The following KANSL1L variants were observed in gnomAD, a reference collection of about 807,000 sequenced individuals.
KANSL1L encodes the protein KAT8 regulatory NSL complex subunit 1-like protein.
KANSL1L carries 25 observed loss-of-function variants against 108.6 expected under a neutral mutation model. The observed-to-expected ratio is 0.23, with a 90% confidence interval of 0.17 to 0.32. The LOEUF (loss-of-function observed/expected upper bound fraction) is 0.32, where lower values mean the gene tolerates loss of function less well. KANSL1L is among the 10% of genes least tolerant of loss of function. The probability of loss-of-function intolerance (pLI) is 1.00; values close to 1 mark genes in which losing one functional copy is unlikely to be tolerated. For missense variants in KANSL1L, 1,137 were observed against 1,125.7 expected, an observed-to-expected ratio of 1.01 and a Z score of -0.14; for synonymous variants, 405 against 395.1, an observed-to-expected ratio of 1.03 and a Z score of -0.30.
rs149025652 is a variant in KANSL1L, at chr2:210,150,075, CATA to C, written c.1088+3417_1088+3419del. 2.6e-5 allele frequency among the ~76,000 whole-genome samples: 4 copies of C among 152,186 alleles called. No individual in the cohort carries two copies. In the East Asian group the frequency reaches 7.7e-4, roughly 29 times the overall value. The stretch of plus-strand genomic sequence containing the variant: ...GGGCTTTAATAACCAAGGCATTAAT[CATA>C]ATATTAAGAGGCCAATAATGCAAGA... On this transcript the variant is annotated intron_variant, in intron 2 of 14. Transcript: ENST00000281772.
At position 210,023,180 on chromosome 2, in the gene KANSL1L, C is replaced by CTT. The variant is rs1553638561; in HGVS notation, c.2734-2_2734-1insAA. ...AAGCCCGTCGTTCCCACCACAAAGA[C>CTT]TGAAAGGGGAAAAATTTTCAGTTAA... On this transcript the variant is annotated splice_acceptor_variant, in intron 14 of 14. Coordinates refer to ENST00000281772, the MANE Select transcript of KANSL1L (RefSeq NM_152519.4). LOFTEE classifies it high-confidence loss of function. 1.9e-5 allele frequency: 31 copies of CTT among 1,611,846 alleles called. No homozygotes were observed. Among genetic ancestry groups the CTT allele is most frequent in the Non-Finnish European group, 2.6e-5 (31 of 1,178,456 alleles).
chr2:210,025,457 G>A (rs2093923453), intron 12 of KANSL1L, among the ~76,000 whole-genome samples: 1 of 152,196 alleles, frequency 6.6e-6, no homozygotes, highest in Non-Finnish European at 1.5e-5. Flanking sequence ...TCGGGAGGCT[G>A]AGGCAGAGAA....
At chr2:210,073,667 G>A (rs1202439963) in intron 6 of KANSL1L, among the ~76,000 whole-genome samples, 1 of 151,892 alleles carries the variant, frequency 6.6e-6, no homozygotes, top group Non-Finnish European at 1.5e-5. Context: ...ATTACAGAAA[G>A]TTCTATGGTT....
At chr2:210,060,181 C>T (rs575349281) in intron 6 of KANSL1L, among the ~76,000 whole-genome samples, 47 of 152,092 alleles carry the variant, frequency 3.1e-4, no homozygotes, top group Non-Finnish European at 5.7e-4. Flanking sequence ...GAAATGAAAA[C>T]TTTCAAATGA....
intron 2 of KANSL1L, among the ~76,000 whole-genome samples, chr2:210,129,990 C>CAAAAA (rs11439121): frequency 1.5e-5 from 2 of 135,844 alleles, no homozygotes; most frequent in Non-Finnish European, 3.1e-5. Context: ...ATGCAGATTG[C>CAAAAA]AAAAAAAAAA....
chr2:210,095,135 A>G (rs2094724828), intron 5 of KANSL1L, among the ~76,000 whole-genome samples: 1 of 152,076 alleles, frequency 6.6e-6, no homozygotes, highest in Non-Finnish European at 1.5e-5. Context: ...TCCTGTAATA[A>G]GATCCCTCCA....
chr2:210,157,375 A>G (rs571992767), intron 1 of KANSL1L, among the ~76,000 whole-genome samples: 1 of 152,306 alleles, frequency 6.6e-6, no homozygotes, highest in South Asian at 2.1e-4. Context: ...GTCTCTGGAT[A>G]AAGATACGGA....
At chr2:210,156,600 A>T (rs2125654606) in intron 1 of KANSL1L, among the ~76,000 whole-genome samples, 1 of 152,228 alleles carries the variant, frequency 6.6e-6, no homozygotes, top group East Asian at 1.9e-4. Context: ...TATAACACAA[A>T]CACAAAACCA....
intron 3 of KANSL1L, among the ~76,000 whole-genome samples, chr2:210,124,461 C>G (rs1393556336): frequency 1.3e-5 from 2 of 150,708 alleles, no homozygotes; most frequent in Non-Finnish European, 3.0e-5. Context: ...AAAATGAAAA[C>G]AAAACATACC....
At position 210,147,677 on chromosome 2, in the gene KANSL1L, G is replaced by A. The variant is rs149349975; in HGVS notation, c.1088+5818C>T. ...AACTTCTCTCATCTATGTCAGACATGCAGGGAATAAAAAAAGATAACAAAT... is the reference window on the plus strand; with the variant it reads ...AACTTCTCTCATCTATGTCAGACATACAGGGAATAAAAAAAGATAACAAAT... On this transcript the variant is annotated intron_variant, in intron 2 of 14. Coordinates refer to ENST00000281772, the MANE Select transcript of KANSL1L (RefSeq NM_152519.4). 1.6e-4 allele frequency among the ~76,000 whole-genome samples: 24 copies of A among 152,164 alleles called. No homozygotes were observed. The East Asian group carries it at 4.6e-3, about 29-fold the overall frequency.
intron 7 of KANSL1L, 147 bp from the exon 8 acceptor site, chr2:210,040,674 G>A (rs376262813): frequency 1.7e-5 from 8 of 481,730 alleles, no homozygotes; most frequent in Non-Finnish European, 2.6e-5. Context: ...AACAACTATC[G>A]GAAGTGACAA....
chr2:210,025,979 A>G (rs1268324099), intron 12 of KANSL1L, among the ~76,000 whole-genome samples: 1 of 152,216 alleles, frequency 6.6e-6, no homozygotes, highest in African/African-American at 2.4e-5. Context: ...TGGATCGTCC[A>G]TTGTGGAGTA....
intron 3 of KANSL1L, among the ~76,000 whole-genome samples, chr2:210,106,529 G>A (rs1465438577): frequency 6.6e-6 from 1 of 151,950 alleles, no homozygotes; most frequent in Non-Finnish European, 1.5e-5. Flanking sequence ...AGCACTTTGG[G>A]AGGGTGAGGC....
chr2:210,109,622 C>T (rs2094885075), intron 3 of KANSL1L, among the ~76,000 whole-genome samples: 1 of 152,070 alleles, frequency 6.6e-6, no homozygotes, highest in African/African-American at 2.4e-5. Flanking sequence ...AGCTATTGGT[C>T]TATATTAATG....
chr2:210,078,123 A>C (rs1162688410), intron 5 of KANSL1L, among the ~76,000 whole-genome samples: 1 of 152,202 alleles, frequency 6.6e-6, no homozygotes, highest in Non-Finnish European at 1.5e-5. Context: ...TACCATACTG[A>C]ATGCTGTAGG....
intron 6 of KANSL1L, among the ~76,000 whole-genome samples, chr2:210,070,198 CTG>C (rs1377017174): frequency 8.9e-4 from 122 of 137,812 alleles, no homozygotes; most frequent in African/African-American, 3.2e-3. Context: ...ATAGCCTTCT[CTG>C]TGTCTCAAAT....
chr2:210,146,797 T>C (rs540386784), intron 2 of KANSL1L, among the ~76,000 whole-genome samples: 3 of 152,358 alleles, frequency 2.0e-5, no homozygotes, highest in African/African-American at 7.2e-5. Flanking sequence ...AAGAAATTCA[T>C]ACATATACAA....
intron 6 of KANSL1L, among the ~76,000 whole-genome samples, 156 bp downstream of exon 6, chr2:210,075,384 TTAGTATTATTAA>T (rs2094535208): frequency 6.6e-6 from 1 of 152,208 alleles, no homozygotes; most frequent in African/African-American, 2.4e-5. Flanking sequence ...AAAGCCCACT[TTAGTATTATTAA>T]TATCTACTAT....
intron 2 of KANSL1L, chr2:210,151,806 A>G (rs192995944): frequency 5.3e-5 from 8 of 152,290 alleles, no homozygotes; most frequent in Non-Finnish European, 1.0e-4. Flanking sequence ...CATGCAAACA[A>G]ATTTCAATTA....
Sources: allele counts gnomAD v4.1 joint callset (sites outside exome capture counted in the v4.1 genomes callset), GRCh38; gene constraint gnomAD v4.1.1; transcripts MANE v1.5; gene names NCBI Gene and HGNC (gene_info 2026-07-23, HGNC 2026-07-21).